NF2: variants seen among roughly 807,000 people sequenced by gnomAD.
The protein encoded by NF2 is merlin.
Under a neutral mutation model 83.7 loss-of-function variants are expected in NF2, and 8 were observed. The observed-to-expected ratio is 0.10, with a 90% confidence interval of 0.06 to 0.17. The LOEUF is 0.17. Ranked by LOEUF, NF2 falls within the 10% of genes least tolerant of loss-of-function variation. NF2 has a pLI of 1.00. For synonymous variants in NF2, 266 were observed against 269.6 expected (o/e 0.99, Z 0.13); for missense variants, 533 against 744.4 (o/e 0.72, Z 3.31).
intron 9 of NF2, among the ~76,000 whole-genome samples, chr22:29,666,036 A>AT (rs1380478087): frequency 6.6e-6 from 1 of 151,730 alleles, no homozygotes; most frequent in African/African-American, 2.4e-5. Flanking sequence ...CTTTTTCATT[A>AT]TTTTTTTGAG....
In NF2 at chr22:29,604,015, C is replaced by T; in HGVS notation, c.17C>T (p.Ala6Val). MAGAI[A>V]SRMSFSSLKR... ...CCCCGCGCCATGGCCGGGGCCATCG[C>T]TTCCCGCATGAGCTTCAGCTCTCTC... The change falls in exon 1 of 16, where the codon GCT (alanine) becomes GTT (valine). Residue 6 changes from alanine (A) to valine (V), a missense_variant. Ala to Val is a moderately conservative substitution (Grantham distance 64). This residue lies in a region of NF2 where 326 missense variants were observed against 475.1 expected (regional missense o/e 0.69). Coordinates refer to ENST00000338641, the MANE Select transcript of NF2 (RefSeq NM_000268.4). 2 of 1,591,264 alleles carry T rather than the reference C, an allele frequency of 1.3e-6. No homozygotes were observed. Among genetic ancestry groups the T allele is most frequent in the Non-Finnish European group, 1.7e-6 (2 of 1,169,244 alleles).
At position 29,695,139 on chromosome 22, in the gene NF2, C is replaced by A; in HGVS notation, c.*337C>A. On this transcript the variant is annotated 3_prime_UTR_variant, in exon 16 of 16. Coordinates refer to ENST00000338641, the MANE Select transcript of NF2 (RefSeq NM_000268.4). This position sits in a 1 kb window ranked among gnomAD's most constrained non-coding sequence, Gnocchi z 5.4. ...TGCACTCCAGAGCTGACCTCCACCG[C>A]CCAGCCTGGGAAGTCATTGTAGGGA... 2 of 475,106 alleles carry A rather than the reference C, an allele frequency of 4.2e-6. No homozygotes were observed. The highest frequency in any genetic ancestry group is 4.4e-5 in the South Asian group (2 of 45,860). The allele number at this position is 475,106 out of a possible 1,614,324, so 29.4% of individuals were successfully genotyped here.
At chr22:29,685,967 T>G (rs1268704445) in intron 15 of NF2, among the ~76,000 whole-genome samples, 5 of 152,178 alleles carry the variant, frequency 3.3e-5, no homozygotes, top group Admixed American at 3.3e-4. Flanking sequence ...TTTTTTTTTT[T>G]TATTATACTT....
At chr22:29,679,017 A>G (rs532169662) in intron 14 of NF2, among the ~76,000 whole-genome samples, 2 of 152,372 alleles carry the variant, frequency 1.3e-5, no homozygotes, top group Non-Finnish European at 2.9e-5. Context: ...CAACCACAGT[A>G]GCTACCATGC....
At chr22:29,612,664 T>TATAA (rs570040533) in intron 1 of NF2, among the ~76,000 whole-genome samples, 54 of 152,088 alleles carry the variant, frequency 3.6e-4, no homozygotes, top group East Asian at 1.9e-3. Context: ...AGAAAGAAGA[T>TATAA]ATAAATAAAT....
At chr22:29,680,896 G>A (rs1661314158) in intron 14 of NF2, among the ~76,000 whole-genome samples, 1 of 151,466 alleles carries the variant, frequency 6.6e-6, no homozygotes, top group Admixed American at 6.6e-5. Flanking sequence ...TCCAAGAAGG[G>A]TTGAGACAAG....
At position 29,603,885 on chromosome 22, in the gene NF2, C is replaced by T. The variant is rs976620632; in HGVS notation, c.-114C>T. ...CCGCGCAGCCCAGACCGTTCCCGGG[C>T]CGGGCAGCCGGCCACCATGGTGGCC... On this transcript the variant is annotated 5_prime_UTR_variant, in exon 1 of 16. Transcript: ENST00000338641. 1 of 787,362 alleles carries T rather than the reference C, an allele frequency of 1.3e-6. No homozygotes were observed. Among genetic ancestry groups the T allele is most frequent in the Non-Finnish European group, 2.0e-6 (1 of 495,226 alleles). The allele number at this position is 787,362 out of a possible 1,614,324, so 48.8% of individuals were successfully genotyped here. A position where few individuals can be genotyped will look rare whatever the true frequency, so the allele number is the denominator to read the frequency against.
chr22:29,668,273 C>T (rs916824367), intron 9 of NF2, 60 bp from the exon 10 acceptor site: 17 of 1,234,808 alleles, frequency 1.4e-5, no homozygotes, highest in Non-Finnish European at 2.0e-5. Context: ...ACTAGTGGGC[C>T]AGTAGGCAGT....
chr22:29,688,907 G>A (rs574797350), intron 15 of NF2, among the ~76,000 whole-genome samples: 7 of 152,314 alleles, frequency 4.6e-5, no homozygotes, highest in South Asian at 4.1e-4. Context: ...TGGGCCGGAC[G>A]CGGTGGCTTA....
chr22:29,617,435 A>G (rs1482824862), intron 1 of NF2, among the ~76,000 whole-genome samples: 2 of 152,074 alleles, frequency 1.3e-5, no homozygotes, highest in Non-Finnish European at 2.9e-5. Context: ...GTTTAGCAGG[A>G]TCTCTGGCCT....
intron 1 of NF2, chr22:29,609,367 C>T: frequency 1.6e-6 from 1 of 608,964 alleles, no homozygotes; most frequent in Non-Finnish European, 3.2e-6. Context: ...CTGACACTGT[C>T]CATAGGTGTG....
chr22:29,667,041 G>T (rs977966698), intron 9 of NF2, among the ~76,000 whole-genome samples: 1 of 152,074 alleles, frequency 6.6e-6, no homozygotes, highest in African/African-American at 2.4e-5. Context: ...CACAGGAGTA[G>T]AAGTACAGGG....
chr22:29,678,099 T>A lies in NF2; in HGVS notation c.1447-97T>A. The A allele has an allele frequency of 3.2e-6, 5 of 1,553,758 alleles. No homozygotes were observed. In the South Asian group the frequency reaches 5.6e-5, roughly 17 times the overall value. ...GGAGGTGGGACCCGAGTTGTGCCCA[T>A]TGCCTCTGTGGCTGCTGGAGGATCG... On this transcript the variant is annotated intron_variant, in intron 13 of 15. Transcript: ENST00000338641.
At chr22:29,615,084 T>G (rs139090233) in intron 1 of NF2, among the ~76,000 whole-genome samples, 1 of 152,264 alleles carries the variant, frequency 6.6e-6, no homozygotes, top group East Asian at 1.9e-4. Context: ...CTCTGGAGGC[T>G]GAGACATGAG....
At chr22:29,646,834 A>G (rs947244711) in intron 4 of NF2, among the ~76,000 whole-genome samples, 1 of 152,164 alleles carries the variant, frequency 6.6e-6, no homozygotes, top group Non-Finnish European at 1.5e-5. Flanking sequence ...ACCTGAGGTC[A>G]GGAGTTCTAG....
At chr22:29,661,928 A>G (rs189991104) in intron 8 of NF2, among the ~76,000 whole-genome samples, 33 of 152,366 alleles carry the variant, frequency 2.2e-4, no homozygotes, top group Admixed American at 2.0e-3. Flanking sequence ...AATTATATAA[A>G]TAAGTATATT....
At chr22:29,628,787 C>T (rs550744550) in intron 1 of NF2, among the ~76,000 whole-genome samples, 17 of 152,088 alleles carry the variant, frequency 1.1e-4, no homozygotes, top group African/African-American at 3.4e-4. Context: ...TGCGCCACCA[C>T]GCCCAACTAG....
chr22:29,673,055 C>T (rs1488860770), intron 11 of NF2, among the ~76,000 whole-genome samples: 1 of 152,224 alleles, frequency 6.6e-6, no homozygotes, highest in Non-Finnish European at 1.5e-5. Flanking sequence ...AGAGAAGGTG[C>T]TCTTGTTACT....
intron 4 of NF2, among the ~76,000 whole-genome samples, chr22:29,644,929 G>A (rs1436012132): frequency 6.6e-6 from 1 of 151,886 alleles, no homozygotes; most frequent in Non-Finnish European, 1.5e-5. Context: ...GGGAGAGGGA[G>A]ACCATGGGGA....
Sources: gnomAD v4.1 joint callset for allele counts (sites outside exome capture counted in the v4.1 genomes callset) on GRCh38, gnomAD v4.1.1 for gene constraint, gnomAD v4.1.1 regional missense constraint, Gnocchi (gnomAD v3.1) non-coding constraint, MANE v1.5 for transcripts, NCBI Gene and HGNC (gene_info 2026-07-23, HGNC 2026-07-21) for gene names.